KCNQ1OT1: variants seen among roughly 807,000 people sequenced by gnomAD.
The protein encoded by KCNQ1OT1 is KCNQ1 antisense RNA 2 (non-protein coding).
At chr11:2,643,038 T>G (rs1368321957) in exon 1 of KCNQ1OT1, 1 of 397,888 alleles carries the variant, frequency 2.5e-6, no homozygotes, top group Non-Finnish European at 4.4e-6. Context: ...TGAATCCAAT[T>G]TAAAATATAT....
exon 1 of KCNQ1OT1, chr11:2,619,233 T>A (rs1041543282): frequency 2.5e-6 from 1 of 398,516 alleles, no homozygotes; most frequent in East Asian, 3.6e-5. Flanking sequence ...GTAGCTAGAG[T>A]GGGCATCCTT....
Position 2,612,000 on chromosome 11 carries a change from A to C in KCNQ1OT1, n.87995T>G, listed in dbSNP as rs1468109325. 2.5e-6 allele frequency: 1 copy of C among 398,536 alleles called. No individual in the cohort carries two copies. 24.7% of individuals were successfully genotyped at this position (398,536 alleles called of 1,614,324 possible). ...CTTCTCAGTACTCTTATTAACACAT[A>C]TGTTGTTACTCCTTAATTCCACATA... On this transcript the variant is annotated non_coding_transcript_exon_variant, in exon 1 of 1. Coordinates refer to ENST00000597346, the Ensembl canonical transcript of KCNQ1OT1. This position sits in a 1 kb window ranked among gnomAD's most constrained non-coding sequence, Gnocchi z 5.3.
At position 2,664,163 on chromosome 11, in the gene KCNQ1OT1, A is replaced by ATTTT. The variant is rs1850020668; in HGVS notation, n.35831_35832insAAAA. On this transcript the variant is annotated non_coding_transcript_exon_variant, in exon 1 of 1. Coordinates refer to ENST00000597346, the Ensembl canonical transcript of KCNQ1OT1. The surrounding 1 kb of genome is among the most constrained non-coding windows in gnomAD (Gnocchi z 5.1). ...CCTCTCTCAGAGCAGGCTGTTCCAA[A>ATTTT]AGTGGCTGCTAGATATGAGCCAGCC... 1 of 398,444 alleles carries ATTTT rather than the reference A, an allele frequency of 2.5e-6. No individual in the cohort carries two copies. Among genetic ancestry groups the ATTTT allele is most frequent in the Non-Finnish European group, 4.4e-6 (1 of 226,144 alleles). 24.7% of individuals were successfully genotyped at this position (398,444 alleles called of 1,614,324 possible).
chr11:2,653,548 C>A lies in KCNQ1OT1; in HGVS notation n.46447G>T. ...TCTCACTCTCCCCTCTTGCACTCCCCTTCTCCCTTCCCGTTCCCTCTTTTG... is the reference window on the plus strand; with the variant it reads ...TCTCACTCTCCCCTCTTGCACTCCCATTCTCCCTTCCCGTTCCCTCTTTTG... On this transcript the variant is annotated non_coding_transcript_exon_variant, in exon 1 of 1. Coordinates refer to ENST00000597346, the Ensembl canonical transcript of KCNQ1OT1. The surrounding 1 kb of genome is among the most constrained non-coding windows in gnomAD (Gnocchi z 5.3). The A allele has an allele frequency of 2.5e-6, 1 of 398,942 alleles. No homozygotes were observed. Among genetic ancestry groups the A allele is most frequent in the Non-Finnish European group, 4.4e-6 (1 of 226,248 alleles). 24.7% of individuals were successfully genotyped at this position (398,942 alleles called of 1,614,324 possible).
exon 1 of KCNQ1OT1, chr11:2,615,463 A>G (rs189725544): frequency 1.3e-5 from 5 of 397,946 alleles, no homozygotes; most frequent in Non-Finnish European, 2.2e-5. Flanking sequence ...GGTAAAGCAT[A>G]CAGCCATATC....
chr11:2,610,825 C>A, exon 1 of KCNQ1OT1: 1 of 370,948 alleles, frequency 2.7e-6, no homozygotes, highest in South Asian at 1.4e-4. Context: ...CCACATTTGT[C>A]TCCCTGACAC....
rs889800242 is a variant in KCNQ1OT1 at position 2,674,006 on chromosome 11, G to A, written n.25989C>T. 3.0e-5 allele frequency: 12 copies of A among 398,380 alleles called. No individual in the cohort carries two copies. The South Asian group carries it at 5.1e-4, about 17-fold the overall frequency. The allele number at this position is 398,380 out of a possible 1,614,324, so 24.7% of individuals were successfully genotyped here. ...GGGTGGGGTGGGGGGAGGGCCCTCCGTGCTTTCTGGCTCTTTGGGCCTGGG... is the reference window on the plus strand; with the variant it reads ...GGGTGGGGTGGGGGGAGGGCCCTCCATGCTTTCTGGCTCTTTGGGCCTGGG... On this transcript the variant is annotated non_coding_transcript_exon_variant, in exon 1 of 1. Transcript: ENST00000597346. This position sits in a 1 kb window ranked among gnomAD's most constrained non-coding sequence, Gnocchi z 5.9.
rs1264347353 is a variant in KCNQ1OT1, at chr11:2,613,717, A to AT, written n.86277dup. On this transcript the variant is annotated non_coding_transcript_exon_variant, in exon 1 of 1. Transcript: ENST00000597346. This position sits in a 1 kb window ranked among gnomAD's most constrained non-coding sequence, Gnocchi z 4.8. ...ATTTTATTTTTTGAATACATATAAC[A>AT]TTAACATACTTCCAAAAGTCAATAC... 2 of 398,462 alleles carry AT rather than the reference A, an allele frequency of 5.0e-6. No individual in the cohort carries two copies. The highest frequency in any genetic ancestry group is 4.1e-5 in the African/African-American group (2 of 48,634). The allele number at this position is 398,462 out of a possible 1,614,324, so 24.7% of individuals were successfully genotyped here.
At chr11:2,660,424 C>T in exon 1 of KCNQ1OT1, 1 of 398,486 alleles carries the variant, frequency 2.5e-6, no homozygotes, top group Non-Finnish European at 4.4e-6. Context: ...ACTTTAAAAA[C>T]ATAAAACATT....
chr11:2,624,219 T>C lies in KCNQ1OT1; in HGVS notation n.75776A>G, dbSNP rs552567212. 9 of 398,614 alleles carry C rather than the reference T, an allele frequency of 2.3e-5. No individual in the cohort carries two copies. The highest frequency in any genetic ancestry group is 1.8e-4 in the African/African-American group (9 of 48,758). The allele number at this position is 398,614 out of a possible 1,614,324, so 24.7% of individuals were successfully genotyped here. ...CTTAGTTGCCATCTGTATATCTTCATTGGTGAGATGTCTGTTAAGGTCTTC... is the reference window on the plus strand; with the variant it reads ...CTTAGTTGCCATCTGTATATCTTCACTGGTGAGATGTCTGTTAAGGTCTTC... On this transcript the variant is annotated non_coding_transcript_exon_variant, in exon 1 of 1. Transcript: ENST00000597346. This position sits in a 1 kb window ranked among gnomAD's most constrained non-coding sequence, Gnocchi z 4.9.
At chr11:2,646,832 G>T in exon 1 of KCNQ1OT1, 1 of 398,546 alleles carries the variant, frequency 2.5e-6, no homozygotes, top group East Asian at 3.6e-5. Context: ...ATTTTTGTTT[G>T]TTGATTTTTT....
chr11:2,620,516 G>A lies in KCNQ1OT1; in HGVS notation n.79479C>T, dbSNP rs185806718. The A allele has an allele frequency of 3.1e-4, 118 of 384,148 alleles. No homozygotes were observed. The highest frequency in any genetic ancestry group is 7.4e-4 in the African/African-American group (36 of 48,352). 23.8% of individuals were successfully genotyped at this position (384,148 alleles called of 1,614,324 possible). A position where few individuals can be genotyped will look rare whatever the true frequency, so the allele number is the denominator to read the frequency against. On this transcript the variant is annotated non_coding_transcript_exon_variant, in exon 1 of 1. Transcript: ENST00000597346. The surrounding 1 kb of genome is among the most constrained non-coding windows in gnomAD (Gnocchi z 4.5). The stretch of plus-strand genomic sequence containing the variant: ...CAGGTGAGAGCTACCGCACCTGGCC[G>A]AATTCATTCATTTTTATGGCTGCAT...
exon 1 of KCNQ1OT1, chr11:2,692,221 C>T (rs569261696): frequency 1.8e-5 from 7 of 398,876 alleles, no homozygotes; most frequent in African/African-American, 1.2e-4. Flanking sequence ...CGCTTCCTCA[C>T]CACCTGCCCA....
exon 1 of KCNQ1OT1, chr11:2,615,178 T>G (rs907589805): frequency 2.5e-6 from 1 of 398,120 alleles, no homozygotes; most frequent in Non-Finnish European, 4.4e-6. Context: ...ATTTTAAAAA[T>G]TGACTTCCTT....
chr11:2,642,197 A>G lies in KCNQ1OT1; in HGVS notation n.57798T>C. 1 of 398,382 alleles carries G rather than the reference A, an allele frequency of 2.5e-6. No homozygotes were observed. The highest frequency in any genetic ancestry group is 4.4e-5 in the Admixed American group (1 of 22,714). 24.7% of individuals were successfully genotyped at this position (398,382 alleles called of 1,614,324 possible). On this transcript the variant is annotated non_coding_transcript_exon_variant, in exon 1 of 1. Coordinates refer to ENST00000597346, the Ensembl canonical transcript of KCNQ1OT1. This position sits in a 1 kb window ranked among gnomAD's most constrained non-coding sequence, Gnocchi z 4.3. ...GAGAGAGACTGCATTGAATCTGTAGATTGCTTTGGGTAGTATGGTCATTTT... is the reference window on the plus strand; with the variant it reads ...GAGAGAGACTGCATTGAATCTGTAGGTTGCTTTGGGTAGTATGGTCATTTT...
chr11:2,678,442 T>C lies in KCNQ1OT1; in HGVS notation n.21553A>G. ...TTATTTGAGTACATCATCATCTCTC[T>C]ACTAATTTCAACTGCTACCTTTATC... On this transcript the variant is annotated non_coding_transcript_exon_variant, in exon 1 of 1. Transcript: ENST00000597346. The surrounding 1 kb of genome is among the most constrained non-coding windows in gnomAD (Gnocchi z 4.9). 1 of 398,660 alleles carries C rather than the reference T, an allele frequency of 2.5e-6. No individual in the cohort carries two copies. Among genetic ancestry groups the C allele is most frequent in the Admixed American group, 4.4e-5 (1 of 22,746 alleles). 24.7% of individuals were successfully genotyped at this position (398,660 alleles called of 1,614,324 possible).
Position 2,683,973 on chromosome 11 carries a change from T to C in KCNQ1OT1, n.16022A>G, listed in dbSNP as rs937149317. ...TGACTGCTTTTACTTTTTTTTTTTT[T>C]TCATTTAGAAGAATTTCCTTGGCAA... On this transcript the variant is annotated non_coding_transcript_exon_variant, in exon 1 of 1. Coordinates refer to ENST00000597346, the Ensembl canonical transcript of KCNQ1OT1. This position sits in a 1 kb window ranked among gnomAD's most constrained non-coding sequence, Gnocchi z 4.7. 5.0e-6 allele frequency: 2 copies of C among 398,474 alleles called. No individual in the cohort carries two copies. The highest frequency in any genetic ancestry group is 2.1e-5 in the African/African-American group (1 of 48,598). The allele number at this position is 398,474 out of a possible 1,614,324, so 24.7% of individuals were successfully genotyped here.
chr11:2,631,908 C>A, exon 1 of KCNQ1OT1: 1 of 397,568 alleles, frequency 2.5e-6, no homozygotes. Context: ...GAAAGCTGGG[C>A]GCAGTGGCTC....
chr11:2,665,485 T>A, exon 1 of KCNQ1OT1: 1 of 395,934 alleles, frequency 2.5e-6, no homozygotes, highest in South Asian at 1.3e-4. Context: ...GTGCCATGCC[T>A]GTGTGCATCC....
Sources: gnomAD v4.1 joint callset for allele counts on GRCh38, gnomAD v4.1.1 for gene constraint, Gnocchi (gnomAD v3.1) non-coding constraint, MANE v1.5 for transcripts, NCBI Gene and HGNC (gene_info 2026-07-23, HGNC 2026-07-21) for gene names.